The following UBE2U variants were observed in gnomAD, a reference collection of about 807,000 sequenced individuals.
UBE2U encodes the protein ubiquitin-conjugating enzyme E2 U.
In UBE2U, 39 loss-of-function variants were observed where a neutral mutation model predicts 41.2. The observed-to-expected ratio is 0.95, with a 90% CI of 0.73 to 1.24. The LOEUF (loss-of-function observed/expected upper bound fraction) is 1.24. UBE2U is among the 50% of genes most tolerant of loss of function. UBE2U has a pLI of 0.00. For synonymous variants in UBE2U, 107 were observed against 117.8 expected, an observed-to-expected ratio of 0.91 and a Z score of 0.60; for missense variants, 336 against 363.1, an observed-to-expected ratio of 0.93 and a Z score of 0.61.
rs531932855 is a variant in UBE2U, at chr1:64,204,882, G to T, written c.67-757G>T. On this transcript the variant is annotated intron_variant, in intron 1 of 9. Transcript: ENST00000371077. Reference sequence around the variant, plus strand: ...GTACTGCATTCACTGGAGATGTTAGGAACAATTATGGAGTCCAACAGCGAA... The same window carrying T: ...GTACTGCATTCACTGGAGATGTTAGTAACAATTATGGAGTCCAACAGCGAA... 2.0e-5 allele frequency among the ~76,000 whole-genome samples: 3 copies of T among 152,280 alleles called. No individual in the cohort carries two copies. In the South Asian group the frequency reaches 6.2e-4, roughly 32 times the overall value.
At chr1:64,253,024 A>G (rs780619312) in intron 8 of UBE2U, among the ~76,000 whole-genome samples, 87 of 152,328 alleles carry the variant, frequency 5.7e-4, no homozygotes, top group Admixed American at 2.2e-3. Context: ...TGATAAAACA[A>G]TACAGAAGAT....
chr1:64,239,139 A>AAGGAGAAGG (rs1557730519), intron 7 of UBE2U, among the ~76,000 whole-genome samples: 12 of 26,872 alleles, frequency 4.5e-4, no homozygotes, highest in African/African-American at 2.3e-3. Flanking sequence ...GAAGAAGAAG[A>AAGGAGAAGG]AGAAGAAGAA....
At chr1:64,232,531 C>T (rs766246189) in intron 6 of UBE2U, 30 bp from the exon 7 acceptor site, 1 of 1,538,684 alleles carries the variant, frequency 6.5e-7, no homozygotes, top group Admixed American at 1.7e-5. Flanking sequence ...TACAAACTGC[C>T]CATCGTCTGA....
chr1:64,239,465 C>T (rs1359930025), intron 7 of UBE2U, among the ~76,000 whole-genome samples: 3 of 151,494 alleles, frequency 2.0e-5, no homozygotes, highest in Non-Finnish European at 4.4e-5. Context: ...GTGTGCTGCA[C>T]CCATTAACTT....
At chr1:64,266,855 G>A (rs1208680290) in intron 9 of UBE2U, among the ~76,000 whole-genome samples, 169 bp from the exon 10 acceptor site, 3 of 152,124 alleles carry the variant, frequency 2.0e-5, no homozygotes, top group African/African-American at 4.8e-5. Flanking sequence ...AATGATTTTT[G>A]ACAAATAAAG....
intron 4 of UBE2U, among the ~76,000 whole-genome samples, chr1:64,211,671 G>A (rs1395759883): frequency 6.6e-6 from 1 of 152,042 alleles, no homozygotes; most frequent in African/African-American, 2.4e-5. Context: ...AAACTCCTGG[G>A]CTCAAGCAAT....
chr1:64,212,782 T>C (rs1399158445), intron 4 of UBE2U, among the ~76,000 whole-genome samples: 1 of 152,132 alleles, frequency 6.6e-6, no homozygotes. Flanking sequence ...AATTCTGGGG[T>C]ATTTAGGATT....
At position 64,214,814 on chromosome 1, in the gene UBE2U, G is replaced by C. The variant is rs989657609; in HGVS notation, c.340-1G>C. 1.9e-6 allele frequency: 3 copies of C among 1,612,836 alleles called. No individual in the cohort carries two copies. In the African/African-American group the frequency reaches 4.0e-5, roughly 22 times the overall value. On this transcript the variant is annotated splice_acceptor_variant, in intron 4 of 9. Transcript: ENST00000371077. LOFTEE classifies it high-confidence loss of function. ...TATATGTTGTCTGTGTTTTCCTATA[G>C]GTTATGCTTTCTAATCCAGTGCTAG...
chr1:64,208,615 A>C (rs1651461183), intron 3 of UBE2U, among the ~76,000 whole-genome samples: 1 of 15,528 alleles, frequency 6.4e-5, no homozygotes, highest in African/African-American at 1.3e-4. Flanking sequence ...AAAAAAAAAA[A>C]AAAAAAAAAA....
At position 64,230,538 on chromosome 1, in the gene UBE2U, G is replaced by T. The variant is rs539159454; in HGVS notation, c.507-2023G>T. Among the ~76,000 whole-genome samples, 122 of 152,062 alleles carry T rather than the reference G, an allele frequency of 8.0e-4. 2 individuals are homozygous for T. The South Asian group carries it at 0.017, about 22-fold the overall frequency. On this transcript the variant is annotated intron_variant, in intron 6 of 9. Transcript: ENST00000371077. ...CTGTGTGTACATATGTGCACGCCAT[G>T]CTCTCTCCCATCTGAGCAATTACTA...
intron 3 of UBE2U, 72 bp from the exon 4 acceptor site, chr1:64,210,670 C>G (rs969386508): frequency 3.1e-5 from 32 of 1,032,702 alleles, no homozygotes; most frequent in Non-Finnish European, 4.1e-5. Context: ...TCTGGCTTAT[C>G]ATTTTGATGT....
chr1:64,253,795 G>A (rs1268120456), intron 8 of UBE2U, among the ~76,000 whole-genome samples: 1 of 152,092 alleles, frequency 6.6e-6, no homozygotes, highest in Non-Finnish European at 1.5e-5. Flanking sequence ...ATCATTACCA[G>A]CCACTACAAA....
intron 8 of UBE2U, among the ~76,000 whole-genome samples, chr1:64,249,665 G>C (rs1309721870): frequency 6.6e-6 from 1 of 151,730 alleles, no homozygotes; most frequent in Non-Finnish European, 1.5e-5. Flanking sequence ...AGAACAGCAA[G>C]TTAGACACTG....
chr1:64,248,118 T>C (rs535116918), intron 8 of UBE2U, among the ~76,000 whole-genome samples: 1 of 152,226 alleles, frequency 6.6e-6, no homozygotes, highest in African/African-American at 2.4e-5. Flanking sequence ...CACAAATACA[T>C]ATGATTTTTT....
chr1:64,239,166 G>GAAAGAA (rs1390326661), intron 7 of UBE2U, among the ~76,000 whole-genome samples: 2 of 84,732 alleles, frequency 2.4e-5, no homozygotes, highest in East Asian at 1.0e-3. Context: ...GAAAGAAGAA[G>GAAAGAA]AAGAAGAAGA....
intron 6 of UBE2U, among the ~76,000 whole-genome samples, chr1:64,223,752 A>G (rs1344472630): frequency 6.6e-6 from 1 of 152,192 alleles, no homozygotes; most frequent in East Asian, 1.9e-4. Flanking sequence ...AGACGAACAT[A>G]TAAAGACAAG....
At chr1:64,242,881 A>C (rs1644858706) in intron 8 of UBE2U, among the ~76,000 whole-genome samples, 2 of 152,180 alleles carry the variant, frequency 1.3e-5, no homozygotes, top group South Asian at 4.1e-4. Context: ...TACTTAGAAT[A>C]TAAGGTTAAT....
At chr1:64,260,925 A>T (rs570290445) in intron 9 of UBE2U, among the ~76,000 whole-genome samples, 1 of 152,186 alleles carries the variant, frequency 6.6e-6, no homozygotes, top group Non-Finnish European at 1.5e-5. Flanking sequence ...TTTCAAGCTT[A>T]CTACCCTTTA....
At chr1:64,248,235 C>G (rs1557740416) in intron 8 of UBE2U, among the ~76,000 whole-genome samples, 1 of 152,210 alleles carries the variant, frequency 6.6e-6, no homozygotes, top group East Asian at 1.9e-4. Flanking sequence ...TCCCCTCAGT[C>G]CCCCTCCCTG....
Sources: allele counts gnomAD v4.1 joint callset (sites outside exome capture counted in the v4.1 genomes callset), GRCh38; gene constraint gnomAD v4.1.1; transcripts MANE v1.5; gene names NCBI Gene and HGNC (gene_info 2026-07-23, HGNC 2026-07-21).